JPH3: variants seen among roughly 807,000 people sequenced by gnomAD.
The protein encoded by JPH3 is junctophilin-3.
In JPH3, 11 loss-of-function variants were observed where a neutral mutation model predicts 59.6. The ratio of observed to expected loss-of-function variants is 0.18; its 90% CI spans 0.12 to 0.31. The LOEUF (loss-of-function observed/expected upper bound fraction) is 0.31, where lower values mean the gene tolerates loss of function less well. Among genes scored for constraint, JPH3 ranks in the 10% least tolerant of loss-of-function variants. JPH3 has a pLI of 1.00. For synonymous variants in JPH3, 673 were observed against 483.6 expected, an observed-to-expected ratio of 1.39 and a Z score of -5.14; for missense variants, 1,202 against 1,105.7, an observed-to-expected ratio of 1.09 and a Z score of -1.24.
intron 2 of JPH3, among the ~76,000 whole-genome samples, chr16:87,650,039 G>T (rs1567599100): frequency 6.6e-6 from 1 of 152,186 alleles, no homozygotes; most frequent in African/African-American, 2.4e-5. Flanking sequence ...CTGGGGGCAG[G>T]CCCACCTTGA....
chr16:87,651,412 G>C (rs766320717), intron 2 of JPH3, among the ~76,000 whole-genome samples: 1 of 152,202 alleles, frequency 6.6e-6, no homozygotes, highest in Non-Finnish European at 1.5e-5. Context: ...CATAGATAGT[G>C]ATTTCTCTGA....
intron 1 of JPH3, among the ~76,000 whole-genome samples, chr16:87,636,193 C>T (rs1044931048): frequency 6.6e-6 from 1 of 152,206 alleles, no homozygotes; most frequent in East Asian, 1.9e-4. Flanking sequence ...CCCCCACAGC[C>T]TTGGATCTTG....
At chr16:87,675,365 C>T (rs2033118342) in intron 2 of JPH3, among the ~76,000 whole-genome samples, 1 of 152,134 alleles carries the variant, frequency 6.6e-6, no homozygotes, top group Non-Finnish European at 1.5e-5. Context: ...GCTCCAGTGA[C>T]CCCGTCCAGA....
intron 2 of JPH3, among the ~76,000 whole-genome samples, chr16:87,661,683 C>G (rs2032708207): frequency 6.6e-6 from 1 of 152,242 alleles, no homozygotes; most frequent in Non-Finnish European, 1.5e-5. Flanking sequence ...CAGCCCTGTC[C>G]AAGAGCAAAG....
At chr16:87,637,392 GAGAGA>G (rs386793861) in intron 1 of JPH3, among the ~76,000 whole-genome samples, 2 of 131,620 alleles carry the variant, frequency 1.5e-5, no homozygotes, top group African/African-American at 6.0e-5. Flanking sequence ...TGTTATGGGG[GAGAGA>G]GAGAGAGAGA....
intron 2 of JPH3, among the ~76,000 whole-genome samples, chr16:87,656,772 A>G (rs2150855488): frequency 6.6e-6 from 1 of 152,268 alleles, no homozygotes; most frequent in South Asian, 2.1e-4. Context: ...CTTGTGGCTC[A>G]GCTTGGACTG....
intron 2 of JPH3, among the ~76,000 whole-genome samples, chr16:87,675,811 G>A (rs2033129185): frequency 6.6e-6 from 1 of 152,198 alleles, no homozygotes; most frequent in South Asian, 2.1e-4. Flanking sequence ...GAGGGGCTGG[G>A]GAGAGGACCA....
chr16:87,622,952 C>T lies in JPH3; in HGVS notation c.382+19424C>T, dbSNP rs956179218. Among the ~76,000 whole-genome samples, 9 of 152,084 alleles carry T rather than the reference C, an allele frequency of 5.9e-5. No homozygotes were observed. The South Asian group carries it at 1.0e-3, about 17-fold the overall frequency. On this transcript the variant is annotated intron_variant, in intron 1 of 4. Transcript: ENST00000284262. ...GGTCTCAGAGGACTTGCCTTCTCTG[C>T]GATGGCCGCTACTACCTGGGTCCCA...
intron 4 of JPH3, among the ~76,000 whole-genome samples, chr16:87,693,133 T>C (rs2033650435): frequency 6.6e-6 from 1 of 152,224 alleles, no homozygotes; most frequent in Non-Finnish European, 1.5e-5. Context: ...TCAGGGCAGC[T>C]TGCTTTCTCT....
intron 3 of JPH3, among the ~76,000 whole-genome samples, chr16:87,687,891 G>T (rs1396771591): frequency 2.6e-5 from 4 of 152,142 alleles, no homozygotes; most frequent in Non-Finnish European, 5.9e-5. Context: ...GGTCCATAGC[G>T]TCTAAGGCAC....
At chr16:87,677,185 T>C (rs79816129) in intron 2 of JPH3, among the ~76,000 whole-genome samples, 7,118 of 95,098 alleles carry the variant, frequency 0.075, 328 homozygotes, top group East Asian at 0.16. Context: ...TATATATATA[T>C]ACACACACAC....
chr16:87,674,842 C>CCT (rs1356938645), intron 2 of JPH3, among the ~76,000 whole-genome samples: 1 of 152,228 alleles, frequency 6.6e-6, no homozygotes, highest in East Asian at 1.9e-4. Context: ...CTCGCTGCAA[C>CCT]CTCTGCCTCT....
chr16:87,648,947 T>A (rs1449531484), intron 2 of JPH3, among the ~76,000 whole-genome samples: 2 of 152,190 alleles, frequency 1.3e-5, no homozygotes, highest in Non-Finnish European at 2.9e-5. Flanking sequence ...GGCTGTCTCC[T>A]GTCTGGTGTG....
Position 87,603,088 on chromosome 16 carries a change from T to G in JPH3, c.-59T>G. Reference sequence around the variant, plus strand: ...GGGCCGCCGGCGGCCGCGACTCTGCTGTGTCGATCGCCTGAGTCCGTTTTC... The same window carrying G: ...GGGCCGCCGGCGGCCGCGACTCTGCGGTGTCGATCGCCTGAGTCCGTTTTC... On this transcript the variant is annotated 5_prime_UTR_variant, in exon 1 of 5. Coordinates refer to ENST00000284262, the MANE Select transcript of JPH3 (RefSeq NM_020655.4). 1 of 1,610,384 alleles carries G rather than the reference T, an allele frequency of 6.2e-7. No individual in the cohort carries two copies. The highest frequency in any genetic ancestry group is 1.7e-5 in the Admixed American group (1 of 59,914).
At chr16:87,684,001 C>A (rs2033356364) in intron 2 of JPH3, 141 bp from the exon 3 acceptor site, 1 of 629,616 alleles carries the variant, frequency 1.6e-6, no homozygotes, top group African/African-American at 1.8e-5. Context: ...GAACAAGATC[C>A]AGAAGTCTGA....
chr16:87,663,036 G>T (rs186501043), intron 2 of JPH3, among the ~76,000 whole-genome samples: 1 of 152,172 alleles, frequency 6.6e-6, no homozygotes, highest in African/African-American at 2.4e-5. Flanking sequence ...ACGCCATGTT[G>T]GGTTGGCAGG....
At chr16:87,615,488 G>A (rs772914213) in intron 1 of JPH3, among the ~76,000 whole-genome samples, 1 of 152,168 alleles carries the variant, frequency 6.6e-6, no homozygotes, top group Non-Finnish European at 1.5e-5. Context: ...GAGTGGGGCC[G>A]GGCCCTGGAG....
At chr16:87,640,336 A>AT (rs1435749663) in intron 1 of JPH3, among the ~76,000 whole-genome samples, 1 of 150,260 alleles carries the variant, frequency 6.7e-6, no homozygotes, top group African/African-American at 2.5e-5. Flanking sequence ...TCAAAAAAAA[A>AT]AGGGTTGTCC....
chr16:87,684,407 C>T, intron 3 of JPH3, 141 bp downstream of exon 3: 9 of 1,352,434 alleles, frequency 6.7e-6, no homozygotes, highest in Non-Finnish European at 9.0e-6. Context: ...CGGTGTCTTC[C>T]TCTCCCGCCG....
Sources: gnomAD v4.1 joint callset for allele counts (sites outside exome capture counted in the v4.1 genomes callset) on GRCh38, gnomAD v4.1.1 for gene constraint, MANE v1.5 for transcripts, NCBI Gene and HGNC (gene_info 2026-07-23, HGNC 2026-07-21) for gene names.